Variants in SCN3B observed in about 807,000 individuals in gnomAD.
SCN3B encodes the protein sodium voltage-gated channel beta subunit 3, also known as sodium channel regulatory subunit beta-3.
In SCN3B, 11 loss-of-function variants were observed where a neutral mutation model predicts 25.4. That is an observed-to-expected ratio of 0.43 (90% confidence interval 0.27 to 0.72). The LOEUF is 0.72. SCN3B is among the 30% of genes least tolerant of loss of function. The probability of loss-of-function intolerance (pLI) is 0.18; values close to 1 mark genes in which losing one functional copy is unlikely to be tolerated. For missense variants in SCN3B, 218 were observed against 278.3 expected (o/e 0.78, Z 1.54); for synonymous variants, 109 against 110.7 (o/e 0.99, Z 0.09).
chr11:123,653,363 G>C (rs1185854271), intron 2 of SCN3B, among the ~76,000 whole-genome samples: 3 of 148,984 alleles, frequency 2.0e-5, no homozygotes, highest in Non-Finnish European at 3.0e-5. Context: ...CGAATTTGAA[G>C]ACCCAGTAAG....
At chr11:123,646,035 C>G (rs533424464) in intron 2 of SCN3B, among the ~76,000 whole-genome samples, 1 of 152,230 alleles carries the variant, frequency 6.6e-6, no homozygotes, top group South Asian at 2.1e-4. Flanking sequence ...TATACTTGAG[C>G]CCTGCTCTCT....
chr11:123,644,850 CATATATACACACACACATACATATAT>C (rs1417089651), intron 3 of SCN3B, among the ~76,000 whole-genome samples: 4 of 142,214 alleles, frequency 2.8e-5, no homozygotes, highest in Non-Finnish European at 6.2e-5. Context: ...TACACACACA[CATATATACACACACACATACATATAT>C]ATATATACAC....
chr11:123,635,025 G>A (rs558609289), intron 5 of SCN3B, among the ~76,000 whole-genome samples: 1 of 152,238 alleles, frequency 6.6e-6, no homozygotes, highest in Non-Finnish European at 1.5e-5. Flanking sequence ...TGTGCCTTTT[G>A]TATTTTATTT....
chr11:123,641,160 A>G (rs1955785507), intron 4 of SCN3B: 1 of 152,466 alleles, frequency 6.6e-6, no homozygotes. Flanking sequence ...CCCACCCCCC[A>G]GAGGAAAGGC....
At chr11:123,640,252 A>C (rs1955771907) in intron 4 of SCN3B, 1 of 152,244 alleles carries the variant, frequency 6.6e-6, no homozygotes. Flanking sequence ...TCTCTCTTTC[A>C]AAATGCAGTA....
intron 5 of SCN3B, among the ~76,000 whole-genome samples, chr11:123,636,040 G>A (rs1307685430): frequency 6.6e-6 from 1 of 152,106 alleles, no homozygotes; most frequent in African/African-American, 2.4e-5. Flanking sequence ...GGAGAAAATT[G>A]TTTACAATTG....
chr11:123,652,349 C>T lies in SCN3B; in HGVS notation c.55+1398G>A, dbSNP rs1474486559. Among the ~76,000 whole-genome samples, 6 of 152,294 alleles carry T rather than the reference C, an allele frequency of 3.9e-5. No homozygotes were observed. In the South Asian group the frequency reaches 6.2e-4, roughly 16 times the overall value. On this transcript the variant is annotated intron_variant, in intron 2 of 6. Coordinates refer to ENST00000299333, the MANE Select transcript of SCN3B (RefSeq NM_001040151.2). ...TACTGGGGATGGCTGGTGATGAGTC[C>T]GCCTTTGGGGCTGACATTACCTCCC...
At chr11:123,643,810 C>G (rs888746260) in intron 3 of SCN3B, among the ~76,000 whole-genome samples, 2 of 152,252 alleles carry the variant, frequency 1.3e-5, no homozygotes, top group African/African-American at 4.8e-5. Context: ...GCCAAGACAT[C>G]CAGCCTCCTG....
At chr11:123,644,685 C>T (rs535809792) in intron 3 of SCN3B, among the ~76,000 whole-genome samples, 5 of 150,554 alleles carry the variant, frequency 3.3e-5, no homozygotes, top group East Asian at 2.0e-4. Context: ...GTGGGAGAAT[C>T]GCTTGAATCT....
At chr11:123,637,894 G>T (rs1001082354) in intron 5 of SCN3B, among the ~76,000 whole-genome samples, 1 of 152,118 alleles carries the variant, frequency 6.6e-6, no homozygotes, top group African/African-American at 2.4e-5. Context: ...GTGGTTAAGT[G>T]TGCTGGCCAA....
rs112379662 is a variant in SCN3B at position 123,651,874 on chromosome 11, G to T, written c.55+1873C>A. Reference sequence around the variant, plus strand: ...GTCAATTCTAGCAATATTCTTCAAAGATTTCTCTACCATTCATCTGTGGAG... The same window carrying T: ...GTCAATTCTAGCAATATTCTTCAAATATTTCTCTACCATTCATCTGTGGAG... On this transcript the variant is annotated intron_variant, in intron 2 of 6. Transcript: ENST00000299333. Among the ~76,000 whole-genome samples the T allele has an allele frequency of 2.3e-3, 348 of 152,272 alleles. 4 individuals carry two copies. The highest frequency in any genetic ancestry group is 0.016 in the South Asian group (77 of 4,818).
chr11:123,642,306 G>A lies in SCN3B; in HGVS notation c.445+140C>T. 1.2e-6 allele frequency: 1 copy of A among 804,948 alleles called. No individual in the cohort carries two copies. Among genetic ancestry groups the A allele is most frequent in the South Asian group, 1.4e-5 (1 of 69,684 alleles). 49.9% of individuals were successfully genotyped at this position (804,948 alleles called of 1,614,324 possible). Reference sequence around the variant, plus strand: ...GGCCACCAGAAGAAGATGGGTCAATGGTGACATTTTTAGATGTCACCATTC... The same window carrying A: ...GGCCACCAGAAGAAGATGGGTCAATAGTGACATTTTTAGATGTCACCATTC... On this transcript the variant is annotated intron_variant, in intron 4 of 6. Transcript: ENST00000299333. The surrounding 1 kb of genome is among the most constrained non-coding windows in gnomAD (Gnocchi z 4.3).
intron 5 of SCN3B, among the ~76,000 whole-genome samples, chr11:123,634,409 G>A (rs540169226): frequency 3.3e-5 from 5 of 152,350 alleles, no homozygotes; most frequent in African/African-American, 1.2e-4. Flanking sequence ...CCCACCAGGA[G>A]TGTATAGCTT....
chr11:123,639,068 T>C (rs1955758904), intron 4 of SCN3B: 4 of 153,550 alleles, frequency 2.6e-5, no homozygotes, highest in Admixed American at 1.9e-4. Flanking sequence ...ACACTCCCCT[T>C]AGGATGAAGC....
rs972308048 is a variant in SCN3B at position 123,634,058 on chromosome 11, C to T, written c.*22+63G>A. Reference sequence around the variant, plus strand: ...TTAAAGTCACTTCAGTTGTGGGCAACAAAGTCACTTGTACAACCTGCCATC... The same window carrying T: ...TTAAAGTCACTTCAGTTGTGGGCAATAAAGTCACTTGTACAACCTGCCATC... On this transcript the variant is annotated intron_variant, in intron 6 of 6. Coordinates refer to ENST00000299333, the MANE Select transcript of SCN3B (RefSeq NM_001040151.2). The T allele has an allele frequency of 3.7e-6, 5 of 1,357,892 alleles. No individual in the cohort carries two copies. The East Asian group carries it at 1.2e-4, about 31-fold the overall frequency. The allele number at this position is 1,357,892 out of a possible 1,614,324, so 84.1% of individuals were successfully genotyped here.
chr11:123,639,778 T>C (rs1262671683), intron 4 of SCN3B: 1 of 152,224 alleles, frequency 6.6e-6, no homozygotes, highest in Non-Finnish European at 1.5e-5. Flanking sequence ...ATTTCTGGAT[T>C]ATCTGCCTGC....
intron 5 of SCN3B, among the ~76,000 whole-genome samples, chr11:123,637,736 G>T (rs1452772046): frequency 6.6e-6 from 1 of 151,892 alleles, no homozygotes; most frequent in Non-Finnish European, 1.5e-5. Context: ...CACCATGTTG[G>T]TCAGACTGGT....
At chr11:123,651,395 G>A (rs1346420745) in intron 2 of SCN3B, among the ~76,000 whole-genome samples, 10 of 151,284 alleles carry the variant, frequency 6.6e-5, no homozygotes, top group African/African-American at 2.2e-4. Context: ...ATGGAGTCTC[G>A]CCCTGTTGCC....
chr11:123,653,937 C>G (rs1221466483), intron 1 of SCN3B, 111 bp from the exon 2 acceptor site: 2 of 1,028,016 alleles, frequency 1.9e-6, no homozygotes, highest in Non-Finnish European at 3.0e-6. Context: ...AAGGAAGGGC[C>G]GAGCACCGGT....
Sources: allele counts gnomAD v4.1 joint callset (sites outside exome capture counted in the v4.1 genomes callset), GRCh38; gene constraint gnomAD v4.1.1; non-coding constraint Gnocchi (gnomAD v3.1); transcripts MANE v1.5; gene names NCBI Gene and HGNC (gene_info 2026-07-23, HGNC 2026-07-21).